Variants in CNTNAP2 observed in about 807,000 individuals in gnomAD.
CNTNAP2 encodes contactin-associated protein-like 2.
Under a neutral mutation model 155.2 loss-of-function variants are expected in CNTNAP2, and 98 were observed. That is an observed-to-expected ratio of 0.63 (90% CI 0.54 to 0.75). The LOEUF (loss-of-function observed/expected upper bound fraction) is 0.75, where lower values mean the gene tolerates loss of function less well. Ranked by LOEUF, CNTNAP2 falls within the 30% of genes least tolerant of loss-of-function variation. CNTNAP2 has a pLI of 0.00. For missense variants in CNTNAP2, 1,727 were observed against 1,688.1 expected, an observed-to-expected ratio of 1.02 and a Z score of -0.40; for synonymous variants, 651 against 631.2, an observed-to-expected ratio of 1.03 and a Z score of -0.47.
intron 10 of CNTNAP2, among the ~76,000 whole-genome samples, chr7:147,444,973 A>G (rs1797708615): frequency 6.6e-6 from 1 of 152,122 alleles, no homozygotes; most frequent in Non-Finnish European, 1.5e-5. Flanking sequence ...TGGTGGAAGG[A>G]GAGAGAAAGA....
At chr7:147,114,548 CT>C (rs780478871) in intron 5 of CNTNAP2, among the ~76,000 whole-genome samples, 24 of 152,176 alleles carry the variant, frequency 1.6e-4, no homozygotes, top group Non-Finnish European at 3.1e-4. Flanking sequence ...TGAATTTAGC[CT>C]TTTACCATTA....
intron 20 of CNTNAP2, among the ~76,000 whole-genome samples, chr7:148,230,342 C>T (rs560650253): frequency 1.1e-4 from 17 of 152,254 alleles, no homozygotes; most frequent in African/African-American, 3.4e-4. Flanking sequence ...GGTTCATTGA[C>T]GACCCCGGCC....
Position 147,228,847 on chromosome 7 carries a change from C to T in CNTNAP2, c.1349-71294C>T, listed in dbSNP as rs545110325. ...ACAGGCCCTGGAGTGTGATGGTCCC[C>T]TCCCTGTGTCCATGTGTTCTCATTG... On this transcript the variant is annotated intron_variant, in intron 8 of 23. Coordinates refer to ENST00000361727, the MANE Select transcript of CNTNAP2 (RefSeq NM_014141.6). 2.6e-5 allele frequency among the ~76,000 whole-genome samples: 4 copies of T among 152,078 alleles called. 1 individual carries two copies. The highest frequency in any genetic ancestry group is 9.6e-5 in the African/African-American group (4 of 41,476).
chr7:147,668,789 A>AGG, intron 13 of CNTNAP2, among the ~76,000 whole-genome samples: 1 of 152,024 alleles, frequency 6.6e-6, no homozygotes, highest in African/African-American at 2.4e-5. Flanking sequence ...TATCAAAGAG[A>AGG]AAAGTTTTCT....
At chr7:146,932,208 A>G (rs982894159) in intron 3 of CNTNAP2, among the ~76,000 whole-genome samples, 11 of 152,254 alleles carry the variant, frequency 7.2e-5, no homozygotes, top group Non-Finnish European at 1.3e-4. Flanking sequence ...GGCAAACTGA[A>G]TCCAGCAGCA....
chr7:148,380,420 G>T (rs1799028996), intron 21 of CNTNAP2, among the ~76,000 whole-genome samples: 1 of 152,176 alleles, frequency 6.6e-6, no homozygotes, highest in Non-Finnish European at 1.5e-5. Context: ...TTTGACATCA[G>T]TTCACCACAT....
intron 14 of CNTNAP2, among the ~76,000 whole-genome samples, chr7:147,942,731 G>A (rs78848638): frequency 0.099 from 15,103 of 152,188 alleles, 984 homozygotes; most frequent in African/African-American, 0.18. Flanking sequence ...TGTGAAGACT[G>A]CTATCAAGAC....
chr7:147,592,846 C>T (rs1426932692), intron 12 of CNTNAP2, among the ~76,000 whole-genome samples: 1 of 152,170 alleles, frequency 6.6e-6, no homozygotes, highest in African/African-American at 2.4e-5. Flanking sequence ...AATCTTTGAT[C>T]AAGGCTTACT....
chr7:146,677,968 A>C (rs2533122), intron 1 of CNTNAP2, among the ~76,000 whole-genome samples: 1 of 151,988 alleles, frequency 6.6e-6, no homozygotes. Context: ...CGCATAGTTC[A>C]TGCTATTCTG....
intron 13 of CNTNAP2, among the ~76,000 whole-genome samples, chr7:147,646,726 AG>A (rs1380842185): frequency 6.6e-6 from 1 of 152,174 alleles, no homozygotes; most frequent in Non-Finnish European, 1.5e-5. Flanking sequence ...TACTCCTGCA[AG>A]GAAGTAACAC....
intron 21 of CNTNAP2, among the ~76,000 whole-genome samples, chr7:148,317,615 G>A (rs1797713608): frequency 6.6e-6 from 1 of 152,152 alleles, no homozygotes. Context: ...TCAAAGCAAT[G>A]TTAGAGCCCA....
chr7:148,364,355 A>G (rs1208707545), intron 21 of CNTNAP2, among the ~76,000 whole-genome samples: 2 of 152,062 alleles, frequency 1.3e-5, no homozygotes, highest in East Asian at 1.9e-4. Flanking sequence ...ATCTAGCTCA[A>G]GGTTTGTAAA....
At chr7:146,957,392 C>T (rs1468084926) in intron 3 of CNTNAP2, among the ~76,000 whole-genome samples, 6 of 152,146 alleles carry the variant, frequency 3.9e-5, no homozygotes, top group Non-Finnish European at 7.4e-5. Context: ...TTGACTGCAA[C>T]GTTATGTGGC....
At chr7:147,293,900 A>C (rs561307348) in intron 8 of CNTNAP2, among the ~76,000 whole-genome samples, 1 of 152,370 alleles carries the variant, frequency 6.6e-6, no homozygotes, top group East Asian at 1.9e-4. Flanking sequence ...AAAACAATTT[A>C]GTTATAAAAA....
intron 1 of CNTNAP2, among the ~76,000 whole-genome samples, chr7:146,443,770 C>T (rs956432142): frequency 2.0e-5 from 3 of 152,124 alleles, no homozygotes; most frequent in Non-Finnish European, 4.4e-5. Flanking sequence ...GCTATCCTAG[C>T]GCTGTCAATA....
At chr7:147,124,018 G>C in intron 6 of CNTNAP2, among the ~76,000 whole-genome samples, 1 of 151,970 alleles carries the variant, frequency 6.6e-6, no homozygotes, top group East Asian at 1.9e-4. Context: ...CTCCAGCTTG[G>C]GCAAAAAGAG....
At chr7:146,809,512 C>T (rs921396876) in intron 2 of CNTNAP2, among the ~76,000 whole-genome samples, 8 of 152,042 alleles carry the variant, frequency 5.3e-5, no homozygotes, top group African/African-American at 1.9e-4. Context: ...CAGGCACCCA[C>T]CACCACATCT....
intron 13 of CNTNAP2, among the ~76,000 whole-genome samples, chr7:147,691,324 G>T (rs1370653740): frequency 1.3e-5 from 2 of 152,038 alleles, no homozygotes; most frequent in Non-Finnish European, 2.9e-5. Flanking sequence ...AGTCAAAAAA[G>T]CAGTAAGTCA....
intron 1 of CNTNAP2, among the ~76,000 whole-genome samples, chr7:146,766,372 A>G (rs1802194693): frequency 6.6e-6 from 1 of 152,160 alleles, no homozygotes. Context: ...TTCCTGCAAT[A>G]TTATTATATA....
Sources: allele counts gnomAD v4.1 joint callset (sites outside exome capture counted in the v4.1 genomes callset), GRCh38; gene constraint gnomAD v4.1.1; transcripts MANE v1.5; gene names NCBI Gene and HGNC (gene_info 2026-07-23, HGNC 2026-07-21).